PDZRN4: variants seen among roughly 807,000 people sequenced by gnomAD.
PDZRN4 encodes PDZ domain containing ring finger 4.
PDZRN4 carries 70 observed loss-of-function variants against 99.0 expected under a neutral mutation model. The ratio of observed to expected loss-of-function variants is 0.71; its 90% confidence interval spans 0.58 to 0.86. The LOEUF (loss-of-function observed/expected upper bound fraction) is 0.86. Ranked by LOEUF, PDZRN4 falls within the 40% of genes least tolerant of loss-of-function variation. The pLI, the probability that PDZRN4 is intolerant of heterozygous loss-of-function variation, is 0.00. For synonymous variants in PDZRN4, 551 were observed against 501.6 expected (o/e 1.10, Z -1.32); for missense variants, 1,474 against 1,331.2 (o/e 1.11, Z -1.67).
At chr12:41,214,770 A>T (rs1950910349) in intron 3 of PDZRN4, among the ~76,000 whole-genome samples, 1 of 152,016 alleles carries the variant, frequency 6.6e-6, no homozygotes. Flanking sequence ...CCTATGACAC[A>T]GATCAAAGCT....
chr12:41,337,367 A>C (rs1918223), intron 3 of PDZRN4, among the ~76,000 whole-genome samples: 1 of 151,792 alleles, frequency 6.6e-6, no homozygotes. Context: ...AGTTTCTCAA[A>C]TGGTACCCAC....
chr12:41,318,799 C>T (rs566802277), intron 3 of PDZRN4, among the ~76,000 whole-genome samples: 8 of 152,120 alleles, frequency 5.3e-5, no homozygotes, highest in Admixed American at 2.0e-4. Context: ...GAAGTCTCTT[C>T]CTGTTCTGAC....
At chr12:41,199,274 C>G (rs925676491) in intron 3 of PDZRN4, among the ~76,000 whole-genome samples, 3 of 152,044 alleles carry the variant, frequency 2.0e-5, no homozygotes, top group Non-Finnish European at 1.5e-5. Flanking sequence ...TATCACTAAT[C>G]ATAGAGAAAT....
chr12:41,316,570 A>G (rs777971047), intron 3 of PDZRN4, among the ~76,000 whole-genome samples: 1 of 151,894 alleles, frequency 6.6e-6, no homozygotes, highest in East Asian at 1.9e-4. Context: ...ATTATAACCT[A>G]TGAAAATAAT....
intron 3 of PDZRN4, among the ~76,000 whole-genome samples, chr12:41,205,109 C>G (rs1262863567): frequency 6.6e-6 from 1 of 151,612 alleles, no homozygotes; most frequent in Non-Finnish European, 1.5e-5. Flanking sequence ...CTACCAGAAC[C>G]ATTTTTTATT....
chr12:41,569,169 G>C (rs573421566), intron 9 of PDZRN4, among the ~76,000 whole-genome samples: 1 of 150,972 alleles, frequency 6.6e-6, no homozygotes, highest in African/African-American at 2.4e-5. Context: ...GCCCAGGCTG[G>C]AGTGCAGTGA....
chr12:41,193,014 C>G (rs1200104564), intron 2 of PDZRN4, among the ~76,000 whole-genome samples: 3 of 152,176 alleles, frequency 2.0e-5, no homozygotes, highest in Non-Finnish European at 4.4e-5. Context: ...AGATGTTGTA[C>G]AAGGAAACTG....
chr12:41,200,579 T>C (rs1950808345), intron 3 of PDZRN4, among the ~76,000 whole-genome samples: 4 of 152,152 alleles, frequency 2.6e-5, no homozygotes, highest in Admixed American at 2.0e-4. Flanking sequence ...CACAGCTGGA[T>C]TTGGTGTTCC....
intron 5 of PDZRN4, among the ~76,000 whole-genome samples, chr12:41,528,391 T>C (rs958153179): frequency 1.3e-5 from 2 of 152,220 alleles, no homozygotes; most frequent in African/African-American, 4.8e-5. Flanking sequence ...ATAAACTTTT[T>C]CTTTATTTTC....
At chr12:41,411,065 A>T (rs1545658) in intron 3 of PDZRN4, among the ~76,000 whole-genome samples, 15,249 of 100,896 alleles carry the variant, frequency 0.15, 1,075 homozygotes, top group South Asian at 0.24. Flanking sequence ...ATATATATAT[A>T]TATTTTTTTT....
intron 3 of PDZRN4, among the ~76,000 whole-genome samples, chr12:41,289,944 C>T (rs1951446866): frequency 6.6e-6 from 1 of 152,130 alleles, no homozygotes; most frequent in Non-Finnish European, 1.5e-5. Flanking sequence ...AGTGGATCTC[C>T]AGTAATTGTT....
rs190553393 is a variant in PDZRN4, at chr12:41,304,278, A to G, written c.843+110090A>G. Among the ~76,000 whole-genome samples the G allele has an allele frequency of 1.5e-3, 222 of 152,326 alleles. 1 individual carries two copies. Among genetic ancestry groups the G allele is most frequent in the African/African-American group, 4.7e-3 (196 of 41,588 alleles). On this transcript the variant is annotated intron_variant, in intron 3 of 9. Coordinates refer to ENST00000402685, the MANE Select transcript of PDZRN4 (RefSeq NM_001164595.2). ...ATCAAAAGGAGTTAAGTGATTATGC[A>G]GTCACCGGAATAATAGGTATCAGAC... is the stretch of plus-strand genomic sequence containing the variant.
chr12:41,506,712 G>T lies in PDZRN4; in HGVS notation c.1100G>T (p.Ser367Ile). 1 of 1,597,156 alleles carries T rather than the reference G, an allele frequency of 6.3e-7. No individual in the cohort carries two copies. The highest frequency in any genetic ancestry group is 8.5e-7 in the Non-Finnish European group (1 of 1,170,540). ...ATCTGTCCATTCCTGCTCTCAGACA[G>T]GTATTTTTCTATCATTTCTTCCAAA... is the stretch of plus-strand genomic sequence containing the variant. ...PDICPFLLSD[S>I]CHSLHPMEHE... Residue 367 changes from serine (S) to isoleucine (I), a missense_variant and splice_region_variant, in exon 4 of 10, where the codon AGC (serine) becomes ATC (isoleucine). Ser to Ile is a moderately radical substitution (Grantham distance 142, BLOSUM62 -2). Transcript: ENST00000402685.
intron 3 of PDZRN4, among the ~76,000 whole-genome samples, chr12:41,471,584 T>G (rs1264348468): frequency 6.7e-6 from 1 of 150,282 alleles, no homozygotes; most frequent in Non-Finnish European, 1.5e-5. Flanking sequence ...TCTATAAATT[T>G]GAATAGACCA....
intron 3 of PDZRN4, among the ~76,000 whole-genome samples, chr12:41,310,473 T>C (rs1223608272): frequency 6.6e-6 from 1 of 152,176 alleles, no homozygotes; most frequent in East Asian, 1.9e-4. Flanking sequence ...TCAGTTGCTC[T>C]TAACCCTTCC....
Position 41,572,834 on chromosome 12 carries a change from G to A in PDZRN4, c.2055G>A (p.Gln685=). Residue 685 remains glutamine (Q), a synonymous_variant, in exon 10 of 10, where the codon CAG becomes CAA. Transcript: ENST00000402685. Reference sequence around the variant, plus strand: ...AGCTTGAGTGTCAGAATATCATGCAGGCTCACAGGCTCCAGAAAGTGACAG... The same window carrying A: ...AGCTTGAGTGTCAGAATATCATGCAAGCTCACAGGCTCCAGAAAGTGACAG... The part of the protein sequence containing the change: ...NIELECQNIM[Q]AHRLQKVTDQ... The A allele has an allele frequency of 1.9e-6, 3 of 1,614,142 alleles. No homozygotes were observed. Among genetic ancestry groups the A allele is most frequent in the Middle Eastern group, 1.6e-4 (1 of 6,062 alleles).
At chr12:41,251,767 G>T (rs1951171808) in intron 3 of PDZRN4, among the ~76,000 whole-genome samples, 1 of 151,996 alleles carries the variant, frequency 6.6e-6, no homozygotes, top group African/African-American at 2.4e-5. Flanking sequence ...TTACAATATA[G>T]TCAACAAGTC....
At chr12:41,558,914 C>A (rs1180181788) in intron 7 of PDZRN4, among the ~76,000 whole-genome samples, 1 of 152,076 alleles carries the variant, frequency 6.6e-6, no homozygotes, top group Non-Finnish European at 1.5e-5. Flanking sequence ...TTATGGGATA[C>A]CCTGTAATGA....
intron 3 of PDZRN4, among the ~76,000 whole-genome samples, chr12:41,467,623 T>C (rs1462543040): frequency 6.6e-6 from 1 of 152,158 alleles, no homozygotes; most frequent in Non-Finnish European, 1.5e-5. Context: ...CACAGCAGTG[T>C]TTTGCAGGTT....
Sources: allele counts gnomAD v4.1 joint callset (sites outside exome capture counted in the v4.1 genomes callset), GRCh38; gene constraint gnomAD v4.1.1; transcripts MANE v1.5; gene names NCBI Gene and HGNC (gene_info 2026-07-23, HGNC 2026-07-21).